Variants in TRPA1 observed in about 807,000 individuals in gnomAD.
The protein encoded by TRPA1 is transient receptor potential cation channel subfamily A member 1, also known as ankyrin-like with transmembrane domains 1.
Under a neutral mutation model 131.3 loss-of-function variants are expected in TRPA1, and 129 were observed. The observed-to-expected ratio is 0.98, with a 90% confidence interval of 0.85 to 1.14. TRPA1 has a LOEUF of 1.14. TRPA1 is among the 50% of genes most tolerant of loss of function. The pLI is 0.00. For missense variants in TRPA1, 1,304 were observed against 1,354.2 expected (o/e 0.96, Z 0.58); for synonymous variants, 441 against 451.7 (o/e 0.98, Z 0.30).
chr8:72,075,699 G>C, upstream of TRPA1: 1 of 466,636 alleles, frequency 2.1e-6, no homozygotes, highest in Non-Finnish European at 4.0e-6. Flanking sequence ...CGTCTGCCTT[G>C]GACTCGCCCC....
chr8:72,059,268 A>C, intron 8 of TRPA1, 122 bp downstream of exon 8: 1 of 676,296 alleles, frequency 1.5e-6, no homozygotes, highest in Non-Finnish European at 2.5e-6. Flanking sequence ...CATTTTGTAT[A>C]CTTTTTGCTG....
intron 15 of TRPA1, among the ~76,000 whole-genome samples, chr8:72,047,658 A>G (rs560123975): frequency 6.6e-6 from 1 of 152,282 alleles, no homozygotes; most frequent in Middle Eastern, 3.4e-3. Flanking sequence ...AGTACTTAAT[A>G]TAAACTTTGT....
In TRPA1 at chr8:72,062,881, G is replaced by C. The variant is rs749120922; in HGVS notation, c.725C>G (p.Pro242Arg). 13 of 1,613,834 alleles carry C rather than the reference G, an allele frequency of 8.1e-6. No homozygotes were observed. Among genetic ancestry groups the C allele is most frequent in the Non-Finnish European group, 6.8e-6 (8 of 1,179,954 alleles). ...INFMNNGKAT[P>R]LHLAVQNGDL... ...ACCATTTTGCACAGCCAGGTGGAGA[G>C]GGGTGGCTTTCCCATTATTCATAAA... Residue 242 changes from proline to arginine, a missense_variant, in exon 6 of 27, where the codon CCT becomes CGT. By Grantham distance (103) the Pro-to-Arg change is moderately radical. Transcript: ENST00000262209.
chr8:72,063,066 T>A, intron 5 of TRPA1, 122 bp from the exon 6 acceptor site: 1 of 981,904 alleles, frequency 1.0e-6, no homozygotes, highest in Non-Finnish European at 1.5e-6. Context: ...ACATAAAAGC[T>A]TGTGTTTAAT....
At position 72,039,741 on chromosome 8, in the gene TRPA1, A is replaced by G. The variant is rs1237775135; in HGVS notation, c.2118T>C (p.Tyr706=). ...ELLNHPVCKE[Y]LLMKWLAYGF... ...TCAATACCCACCATTTCATGAGTAA[A>G]TATTCTTTACACACAGGATGATTGA... The change falls in exon 18 of 27, where the codon TAT becomes TAC. Residue 706 remains tyrosine, a synonymous_variant. Transcript: ENST00000262209. The G allele has an allele frequency of 3.7e-6, 6 of 1,606,900 alleles. No individual in the cohort carries two copies. The Admixed American group carries it at 5.0e-5, about 13-fold the overall frequency.
At position 72,071,752 on chromosome 8, in the gene TRPA1, A is replaced by T. The variant is rs941469407; in HGVS notation, c.227T>A (p.Ile76Asn). ...FLHYAAAEGQIELMEKITRDS... is the reference protein window; with the variant it reads ...FLHYAAAEGQNELMEKITRDS... The stretch of plus-strand genomic sequence containing the variant: ...TCTGGTGATCTTCTCCATTAGCTCA[A>T]TTTGGCCTTCTGCTGCAGCATAATG... Residue 76 changes from isoleucine to asparagine, a missense_variant, in exon 2 of 27, where the codon ATT becomes AAT. Coordinates refer to ENST00000262209, the MANE Select transcript of TRPA1 (RefSeq NM_007332.3). 38 of 1,613,702 alleles carry T rather than the reference A, an allele frequency of 2.4e-5. No homozygotes were observed. Among genetic ancestry groups the T allele is most frequent in the Admixed American group, 3.3e-5 (2 of 59,998 alleles).
In TRPA1 at chr8:72,057,003, T is replaced by G; in HGVS notation, c.1108A>C (p.Ile370Leu). ...LLLSKGAQVD[I>L]KDNFGRNFLH... is the part of the protein sequence containing the mutation. ...AAATTACGTCCAAAATTATCTTTTA[T>G]GTCTACTTGGGCACCTAAAAAAAAA... Residue 370 changes from isoleucine to leucine, a missense_variant, in exon 10 of 27, where the codon ATA becomes CTA. Transcript: ENST00000262209. 1.2e-6 allele frequency: 2 copies of G among 1,607,014 alleles called. No homozygotes were observed. Among genetic ancestry groups the G allele is most frequent in the Non-Finnish European group, 1.7e-6 (2 of 1,175,890 alleles).
At chr8:72,034,131 G>C (rs1703707816) in intron 22 of TRPA1, 117 bp downstream of exon 22, 1 of 1,142,980 alleles carries the variant, frequency 8.7e-7, no homozygotes, top group Non-Finnish European at 1.2e-6. Flanking sequence ...AAAAACTAAA[G>C]TATTTGAATA....
chr8:72,061,321 C>T (rs1805802665), intron 7 of TRPA1, among the ~76,000 whole-genome samples: 1 of 152,060 alleles, frequency 6.6e-6, no homozygotes, highest in Admixed American at 6.6e-5. Flanking sequence ...TTAGAAATGG[C>T]TTGGAAGACC....
rs754627580 is a variant in TRPA1, at chr8:72,055,751, A to G, written c.1299T>C (p.Leu433=). The G allele has an allele frequency of 3.7e-6, 6 of 1,613,178 alleles. No individual in the cohort carries two copies. The highest frequency in any genetic ancestry group is 5.1e-6 in the Non-Finnish European group (6 of 1,179,388). ...TGGAATGAATGGACACATTAAAGCC[A>G]AGTAGGTTATTTACAGAACCAGGGC... ...QGGPGSVNNL[L]GFNVSIHSKS... is the part of the protein sequence containing the mutation. Residue 433 remains leucine (L), a synonymous_variant, in exon 11 of 27, where the codon CTT becomes CTC. Transcript: ENST00000262209.
upstream of TRPA1, among the ~76,000 whole-genome samples, chr8:72,077,186 G>A (rs1303230136): frequency 1.3e-5 from 2 of 151,834 alleles, no homozygotes; most frequent in Non-Finnish European, 2.9e-5. Flanking sequence ...ACTGAATAAA[G>A]AGGATGTTCG....
chr8:72,024,017 A>T, intron 25 of TRPA1, 106 bp from the exon 26 acceptor site: 1 of 750,072 alleles, frequency 1.3e-6, no homozygotes, highest in East Asian at 2.5e-5. Flanking sequence ...TGCATAAGGC[A>T]TAGCTATGCC....
At position 72,033,833 on chromosome 8, in the gene TRPA1, G is replaced by T; in HGVS notation, c.2686-7C>A. Reference sequence around the variant, plus strand: ...ATGGAGAGCTGAAGGGATCCTGAAAGCAGACGGTGAGGTACAAATGAAATG... The same window carrying T: ...ATGGAGAGCTGAAGGGATCCTGAAATCAGACGGTGAGGTACAAATGAAATG... On this transcript the variant is annotated splice_region_variant and splice_polypyrimidine_tract_variant and intron_variant, in intron 22 of 26. Transcript: ENST00000262209. 6.2e-7 allele frequency: 1 copy of T among 1,613,578 alleles called. No individual in the cohort carries two copies.
chr8:72,050,905 T>G, intron 14 of TRPA1, 34 bp from the exon 15 acceptor site: 1 of 1,388,330 alleles, frequency 7.2e-7, no homozygotes, highest in Non-Finnish European at 1.0e-6. Context: ...TAAGCACAGG[T>G]CTTCATCCTT....
At chr8:72,084,192 C>G in the TRPA1 span, among the ~76,000 whole-genome samples, 1 of 152,130 alleles carries the variant, frequency 6.6e-6, no homozygotes, top group Non-Finnish European at 1.5e-5. Flanking sequence ...TATTTTAGGG[C>G]TCAGCATTTG....
chr8:72,053,666 A>C, intron 13 of TRPA1, 87 bp downstream of exon 13: 1 of 939,484 alleles, frequency 1.1e-6, no homozygotes, highest in Non-Finnish European at 1.7e-6. Flanking sequence ...CAAGGAAGGT[A>C]AAAGGTGTCT....
rs1188395020 is a variant in TRPA1, at chr8:72,039,816, T to G, written c.2062-19A>C. On this transcript the variant is annotated intron_variant, in intron 17 of 26. Coordinates refer to ENST00000262209, the MANE Select transcript of TRPA1 (RefSeq NM_007332.3). ...CCATTGCCTGAGAAATAAAAAAAAG[T>G]GTAATAAAAACACAATCATAATCAA... The G allele has an allele frequency of 5.8e-6, 9 of 1,553,692 alleles. No individual in the cohort carries two copies. The South Asian group carries it at 8.9e-5, about 15-fold the overall frequency.
chr8:72,059,462 T>A, intron 7 of TRPA1, 24 bp from the exon 8 acceptor site: 1 of 1,471,502 alleles, frequency 6.8e-7, no homozygotes, highest in Non-Finnish European at 9.4e-7. Context: ...ATTATAAACA[T>A]TATAATTAAA....
At chr8:72,084,647 A>ATTT in the TRPA1 span, among the ~76,000 whole-genome samples, 5,688 of 104,796 alleles carry the variant, frequency 0.054, 324 homozygotes, top group Non-Finnish European at 0.073. Flanking sequence ...TAAAATGATA[A>ATTT]TTTTTTTTTT....
Sources: allele counts gnomAD v4.1 joint callset (sites outside exome capture counted in the v4.1 genomes callset), GRCh38; gene constraint gnomAD v4.1.1; transcripts MANE v1.5; gene names NCBI Gene and HGNC (gene_info 2026-07-23, HGNC 2026-07-21).